Variants in SDHA observed in about 807,000 individuals in gnomAD.
SDHA encodes the protein succinate dehydrogenase [ubiquinone] flavoprotein subunit, mitochondrial.
A neutral mutation model predicts 78.4 loss-of-function variants in SDHA; 48 were observed. The ratio of observed to expected loss-of-function variants is 0.61; its 90% CI spans 0.49 to 0.78. SDHA has a LOEUF of 0.78. Ranked by LOEUF, SDHA falls within the 30% of genes least tolerant of loss-of-function variation. The probability of loss-of-function intolerance (pLI) is 0.00; values close to 1 mark genes in which losing one functional copy is unlikely to be tolerated. For synonymous variants in SDHA, 326 were observed against 353.9 expected (o/e 0.92, Z 0.88); for missense variants, 680 against 892.7 (o/e 0.76, Z 3.04).
intron 9 of SDHA, chr5:235,769 G>A (rs146423373): frequency 7.4e-4 from 236 of 317,214 alleles, no homozygotes; most frequent in African/African-American, 5.0e-3. Context: ...AGAACAGTCT[G>A]GAACATCAGT....
chr5:253,500 G>A (rs1380454711), intron 13 of SDHA, among the ~76,000 whole-genome samples: 3 of 151,930 alleles, frequency 2.0e-5, no homozygotes, highest in Non-Finnish European at 4.4e-5. Flanking sequence ...GTGCAGTGGC[G>A]TGATCTCAGC....
In SDHA at chr5:251,304, C is replaced by T. The variant is rs10041187; in HGVS notation, c.1664-34C>T. On this transcript the variant is annotated intron_variant, in intron 12 of 14. Coordinates refer to ENST00000264932, the MANE Select transcript of SDHA (RefSeq NM_004168.4). ...TCGGAGGGCCCATGTGACTGGGTCCCGCCTGCCCCTGATGGAACTTTTTGT... is the reference window on the plus strand; with the variant it reads ...TCGGAGGGCCCATGTGACTGGGTCCTGCCTGCCCCTGATGGAACTTTTTGT... The T allele has an allele frequency of 0.14, 230,738 of 1,598,552 alleles. 23,371 individuals are homozygous for T. Among genetic ancestry groups the T allele is most frequent in the African/African-American group, 0.53 (39,379 of 74,034 alleles).
At chr5:266,453 A>G in the SDHA span, among the ~76,000 whole-genome samples, 2 of 152,100 alleles carry the variant, frequency 1.3e-5, no homozygotes, top group Admixed American at 1.3e-4. Flanking sequence ...GAGTACTGAG[A>G]CCAGGAAAAC....
intron 11 of SDHA, among the ~76,000 whole-genome samples, chr5:244,916 G>C (rs1579426529): frequency 6.6e-6 from 1 of 152,194 alleles, no homozygotes; most frequent in East Asian, 1.9e-4. Flanking sequence ...CCTGGTATGG[G>C]ACTAGGAAAA....
At position 225,479 on chromosome 5, in the gene SDHA, G is replaced by C. The variant is rs780654623; in HGVS notation, c.373G>C (p.Asp125His). 6.2e-7 allele frequency: 1 copy of C among 1,613,722 alleles called. No homozygotes were observed. Reference sequence around the variant, plus strand: ...GGACAACTGGAGGTGGCATTTCTACGACACCGTGAAGGGCTCCGACTGGCT... The same window carrying C: ...GGACAACTGGAGGTGGCATTTCTACCACACCGTGAAGGGCTCCGACTGGCT... ...EEDNWRWHFY[D>H]TVKGSDWLGD... Residue 125 changes from aspartate to histidine, a missense_variant, in exon 4 of 15, where the codon GAC becomes CAC. Transcript: ENST00000264932.
chr5:263,042 C>A, the SDHA span, among the ~76,000 whole-genome samples: 1 of 152,112 alleles, frequency 6.6e-6, no homozygotes, highest in East Asian at 1.9e-4. Flanking sequence ...GGGGCTCCAG[C>A]AATCCTCCCA....
chr5:226,134 G>C, intron 5 of SDHA, 87 bp downstream of exon 5: 1 of 1,445,300 alleles, frequency 6.9e-7, no homozygotes, highest in South Asian at 1.2e-5. Context: ...TGCCCAGTGA[G>C]TCAGCCAGAG....
chr5:233,931 G>A (rs530915588), intron 8 of SDHA: 6 of 419,996 alleles, frequency 1.4e-5, no homozygotes, highest in Admixed American at 7.3e-5. Flanking sequence ...ACCTGAAGTC[G>A]GCATGTGAGC....
At chr5:263,873 CA>C in the SDHA span, among the ~76,000 whole-genome samples, 78 of 152,140 alleles carry the variant, frequency 5.1e-4, 1 homozygote, top group African/African-American at 1.6e-3. Flanking sequence ...AAAACTCTGG[CA>C]AAAAAATGAA....
chr5:266,232 CT>C, the SDHA span, among the ~76,000 whole-genome samples: 1 of 152,214 alleles, frequency 6.6e-6, no homozygotes, highest in African/African-American at 2.4e-5. Context: ...AAAGTAAATC[CT>C]TTTGTAAACT....
downstream of SDHA, among the ~76,000 whole-genome samples, chr5:259,319 TTACCGTGTGAGCTCCGCCC>T (rs1389741748): frequency 3.8e-4 from 20 of 53,184 alleles, 4 homozygotes; most frequent in African/African-American, 3.8e-4. Context: ...CGCCAGAGCA[TTACCGTGTGAGCTCCGCCC>T]CCCGCCAGAG....
intron 3 of SDHA, 47 bp downstream of exon 3, chr5:224,568 C>T (rs575715550): frequency 1.6e-5 from 25 of 1,599,586 alleles, no homozygotes; most frequent in Admixed American, 8.3e-5. Context: ...GCAGGTCCCG[C>T]GCAGCCTCGC....
At chr5:225,723 T>C (rs1734978140) in intron 4 of SDHA, 160 bp from the exon 5 acceptor site, 3 of 1,338,976 alleles carry the variant, frequency 2.2e-6, no homozygotes, top group South Asian at 1.2e-5. Context: ...ATGCATTATA[T>C]GTAACAAGAA....
At position 252,148 on chromosome 5, in the gene SDHA, A is replaced by G. The variant is rs113698852; in HGVS notation, c.1794+680A>G. On this transcript the variant is annotated intron_variant, in intron 13 of 14. Transcript: ENST00000264932. Reference sequence around the variant, plus strand: ...ATTAACGAGTAAGTCACTGTTTCAAACCTGTCCTGTGGAGGAAATGCCAGT... The same window carrying G: ...ATTAACGAGTAAGTCACTGTTTCAAGCCTGTCCTGTGGAGGAAATGCCAGT... Among the ~76,000 whole-genome samples the G allele has an allele frequency of 4.1e-4, 38 of 93,732 alleles. 1 individual carries two copies. Among genetic ancestry groups the G allele is most frequent in the African/African-American group, 2.1e-3 (27 of 12,604 alleles). 61.5% of individuals were successfully genotyped at this position (93,732 alleles called of 152,430 possible).
At chr5:264,267 T>G in the SDHA span, among the ~76,000 whole-genome samples, 1 of 152,208 alleles carries the variant, frequency 6.6e-6, no homozygotes, top group Admixed American at 6.5e-5. Flanking sequence ...TCCCTAAAAT[T>G]GAAAGAATAG....
chr5:256,818 TTTTTC>T lies in SDHA; in HGVS notation c.*408_*412del, dbSNP rs1035129609. 2.9e-4 allele frequency: 75 copies of T among 259,222 alleles called. No individual in the cohort carries two copies. Among genetic ancestry groups the T allele is most frequent in the East Asian group, 9.9e-4 (18 of 18,212 alleles). The allele number at this position is 259,222 out of a possible 1,614,324, so 16.1% of individuals were successfully genotyped here. A position where few individuals can be genotyped will look rare whatever the true frequency, so the allele number is the denominator to read the frequency against. Reference sequence around the variant, plus strand: ...GATATTTTGTATAGTTTCTTTTTTCTTTTTCTTTTCTTTTTTTTTTTTGAGACAGG... The same window carrying T: ...GATATTTTGTATAGTTTCTTTTTTCTTTTTCTTTTTTTTTTTTGAGACAGG... On this transcript the variant is annotated 3_prime_UTR_variant, in exon 15 of 15. Coordinates refer to ENST00000264932, the MANE Select transcript of SDHA (RefSeq NM_004168.4).
chr5:261,680 A>C (rs1737486426), downstream of SDHA, among the ~76,000 whole-genome samples: 6 of 78,314 alleles, frequency 7.7e-5, no homozygotes, highest in Admixed American at 4.6e-4. Flanking sequence ...GCCTCCCGTC[A>C]CAGCATTACC....
At chr5:262,483 G>T in the SDHA span, among the ~76,000 whole-genome samples, 1 of 151,902 alleles carries the variant, frequency 6.6e-6, no homozygotes, top group Non-Finnish European at 1.5e-5. Flanking sequence ...CATAGGAGTG[G>T]AACCCTGTTG....
At chr5:231,124 G>C in intron 7 of SDHA, 124 bp downstream of exon 7, 2 of 1,157,640 alleles carry the variant, frequency 1.7e-6, no homozygotes, top group Non-Finnish European at 2.5e-6. Flanking sequence ...AGCTTCCTCA[G>C]CTCTCAGGTC....
Sources: gnomAD v4.1 joint callset for allele counts (sites outside exome capture counted in the v4.1 genomes callset) on GRCh38, gnomAD v4.1.1 for gene constraint, MANE v1.5 for transcripts, NCBI Gene and HGNC (gene_info 2026-07-23, HGNC 2026-07-21) for gene names.